Variants in TAPT1 observed in about 807,000 individuals in gnomAD.
TAPT1 encodes transmembrane anterior posterior transformation protein 1 homolog.
TAPT1 carries 28 observed loss-of-function variants against 65.6 expected under a neutral mutation model. The observed-to-expected ratio is 0.43, with a 90% CI of 0.32 to 0.59. The LOEUF is 0.59. Ranked by LOEUF, TAPT1 falls within the 20% of genes least tolerant of loss-of-function variation. The probability of loss-of-function intolerance (pLI) is 0.09; values close to 1 mark genes in which losing one functional copy is unlikely to be tolerated. For missense variants in TAPT1, 563 were observed against 679.9 expected, an observed-to-expected ratio of 0.83 and a Z score of 1.91; for synonymous variants, 278 against 245.2, an observed-to-expected ratio of 1.13 and a Z score of -1.25.
intron 1 of TAPT1, chr4:16,216,028 CTTTCAGAAAGCAGAGGAGA>C (rs1329344307): frequency 6.6e-6 from 1 of 152,184 alleles, no homozygotes; most frequent in African/African-American, 2.4e-5. Flanking sequence ...AGCAACAGGA[CTTTCAGAAAGCAGAGGAGA>C]TTCCACATAT....
intron 1 of TAPT1, among the ~76,000 whole-genome samples, chr4:16,219,034 TAA>T (rs1397583096): frequency 2.0e-5 from 3 of 152,192 alleles, no homozygotes; most frequent in African/African-American, 7.2e-5. Context: ...ATGGAGAATA[TAA>T]AAAGTCAAAT....
In TAPT1 at chr4:16,191,404, C is replaced by A; in HGVS notation, c.569G>T (p.Gly190Val). The A allele has an allele frequency of 6.2e-7, 1 of 1,600,586 alleles. No homozygotes were observed. Among genetic ancestry groups the A allele is most frequent in the South Asian group, 1.1e-5 (1 of 88,018 alleles). Residue 190 changes from glycine (G) to valine (V), a missense_variant, in exon 4 of 14, where the codon GGG (glycine) becomes GTG (valine). By Grantham distance (109) the Gly-to-Val change is moderately radical. Transcript: ENST00000405303. ...GATGTAGAGCTTGATGACGGACTGC[C>A]CCCTTATCAGGTGGTACATCATGGA... ...DYSMMYHLIR[G>V]QSVIKLYIIY...
intron 2 of TAPT1, among the ~76,000 whole-genome samples, chr4:16,212,066 G>A (rs938756776): frequency 6.6e-6 from 1 of 152,208 alleles, no homozygotes; most frequent in Non-Finnish European, 1.5e-5. Context: ...ACAAAATCAG[G>A]AGTGGATGTT....
At position 16,162,697 on chromosome 4, in the gene TAPT1, G is replaced by C. The variant is rs1747334538; in HGVS notation, c.*611C>G. Reference sequence around the variant, plus strand: ...AATTATTTTTTTAATAAATAAACTAGTTTAGCATTTTTTTTTAACCCTACA... The same window carrying C: ...AATTATTTTTTTAATAAATAAACTACTTTAGCATTTTTTTTTAACCCTACA... On this transcript the variant is annotated 3_prime_UTR_variant, in exon 14 of 14. Coordinates refer to ENST00000405303, the MANE Select transcript of TAPT1 (RefSeq NM_153365.3). 9.5e-6 allele frequency: 1 copy of C among 105,562 alleles called. No individual in the cohort carries two copies. The highest frequency in any genetic ancestry group is 2.0e-5 in the Non-Finnish European group (1 of 49,572). The allele number at this position is 105,562 out of a possible 1,614,324, so 6.5% of individuals were successfully genotyped here.
chr4:16,192,116 C>G (rs1180148235), intron 3 of TAPT1, among the ~76,000 whole-genome samples: 3 of 152,134 alleles, frequency 2.0e-5, no homozygotes, highest in Non-Finnish European at 2.9e-5. Context: ...GAAAGTGTAT[C>G]TGTAGGATAA....
At position 16,162,154 on chromosome 4, in the gene TAPT1, C is replaced by G. The variant is rs1747290046; in HGVS notation, c.*1154G>C. On this transcript the variant is annotated 3_prime_UTR_variant, in exon 14 of 14. Transcript: ENST00000405303. ...ATGCCTCCCCACACCAACAGCCACC[C>G]ATACGCCTCAAACACCCCATTTACT... 1 of 152,816 alleles carries G rather than the reference C, an allele frequency of 6.5e-6. No individual in the cohort carries two copies. The highest frequency in any genetic ancestry group is 1.5e-5 in the Non-Finnish European group (1 of 68,170). The allele number at this position is 152,816 out of a possible 1,614,324, so 9.5% of individuals were successfully genotyped here.
At chr4:16,191,563 C>A in intron 3 of TAPT1, 40 bp from the exon 4 acceptor site, 1 of 1,517,572 alleles carries the variant, frequency 6.6e-7, no homozygotes, top group Non-Finnish European at 8.9e-7. Flanking sequence ...AATTTTTACT[C>A]TGTATGTTCT....
intron 7 of TAPT1, among the ~76,000 whole-genome samples, chr4:16,185,972 A>T (rs1748988450): frequency 6.6e-6 from 1 of 152,056 alleles, no homozygotes; most frequent in African/African-American, 2.4e-5. Flanking sequence ...CTCTGAGCAT[A>T]CTCCCTGGCA....
chr4:16,167,182 A>C (rs1180288565), intron 12 of TAPT1, among the ~76,000 whole-genome samples: 2 of 151,840 alleles, frequency 1.3e-5, no homozygotes, highest in Non-Finnish European at 2.9e-5. Flanking sequence ...TAGTAGAGAC[A>C]GGGTTTCACC....
At chr4:16,171,400 A>G (rs1747979442) in intron 11 of TAPT1, among the ~76,000 whole-genome samples, 1 of 152,214 alleles carries the variant, frequency 6.6e-6, no homozygotes, top group Non-Finnish European at 1.5e-5. Context: ...AAGTCTGCTG[A>G]ATAAATCTGG....
chr4:16,166,991 C>CTCTTT (rs758182176), intron 12 of TAPT1, 198 bp from the exon 13 acceptor site: 13 of 160,674 alleles, frequency 8.1e-5, no homozygotes, highest in Non-Finnish European at 1.5e-4. Flanking sequence ...CCTTAGTTCT[C>CTCTTT]TTTTTTTTTT....
chr4:16,215,734 T>C (rs1426187086), intron 1 of TAPT1, among the ~76,000 whole-genome samples: 1 of 152,208 alleles, frequency 6.6e-6, no homozygotes, highest in African/African-American at 2.4e-5. Context: ...TTGTATAAAT[T>C]AACAGATGTT....
chr4:16,207,007 C>T lies in TAPT1; in HGVS notation c.331-4427G>A, dbSNP rs572984790. Among the ~76,000 whole-genome samples the T allele has an allele frequency of 2.6e-5, 4 of 152,178 alleles. No homozygotes were observed. In the South Asian group the frequency reaches 6.2e-4, roughly 24 times the overall value. On this transcript the variant is annotated intron_variant, in intron 2 of 13. Coordinates refer to ENST00000405303, the MANE Select transcript of TAPT1 (RefSeq NM_153365.3). ...ACCACAAGCAGGGTGTGACAAGCCT[C>T]GGAGAGAAGGGGAGAAGCACCAGCC... is the stretch of plus-strand genomic sequence containing the variant.
At position 16,163,102 on chromosome 4, in the gene TAPT1, C is replaced by A. The variant is rs932776870; in HGVS notation, c.*206G>T. ...TTTATAATCCATCAAGCTTCCCAGACAGTCAAGGCCGGAGGTCGCTCCTGT... is the reference window on the plus strand; with the variant it reads ...TTTATAATCCATCAAGCTTCCCAGAAAGTCAAGGCCGGAGGTCGCTCCTGT... On this transcript the variant is annotated 3_prime_UTR_variant, in exon 14 of 14. Transcript: ENST00000405303. 25 of 635,692 alleles carry A rather than the reference C, an allele frequency of 3.9e-5. No homozygotes were observed. In the Admixed American group the frequency reaches 5.2e-4, roughly 13 times the overall value. The allele number at this position is 635,692 out of a possible 1,614,324, so 39.4% of individuals were successfully genotyped here.
intron 3 of TAPT1, among the ~76,000 whole-genome samples, chr4:16,193,263 A>G (rs541969286): frequency 6.6e-6 from 1 of 152,326 alleles, no homozygotes; most frequent in South Asian, 2.1e-4. Context: ...AGAGGTCAGA[A>G]TGTGTCTAAG....
Position 16,176,158 on chromosome 4 carries a change from T to C in TAPT1, c.1068A>G (p.Lys356=). ...IASEIAVDIV[K]HAFITKFNDI... Reference sequence around the variant, plus strand: ...CATTGAATTTAGTAATAAAGGCATGTTTTACAATATCCACGGCAATTTCTG... The same window carrying C: ...CATTGAATTTAGTAATAAAGGCATGCTTTACAATATCCACGGCAATTTCTG... The change falls in exon 9 of 14, where the codon AAA becomes AAG. Residue 356 remains lysine, a synonymous_variant. Coordinates refer to ENST00000405303, the MANE Select transcript of TAPT1 (RefSeq NM_153365.3). The C allele has an allele frequency of 6.4e-7, 1 of 1,573,004 alleles. No homozygotes were observed. The highest frequency in any genetic ancestry group is 8.6e-7 in the Non-Finnish European group (1 of 1,157,388).
At chr4:16,226,635 C>G, upstream of TAPT1, 1 of 191,446 alleles carries the variant, frequency 5.2e-6, no homozygotes, top group Non-Finnish European at 9.5e-6. Context: ...AGGCCGCTGC[C>G]GCCGCCGCCG....
In TAPT1 at chr4:16,160,701, T is replaced by C. The variant is rs917118907; in HGVS notation, c.*2607A>G. On this transcript the variant is annotated 3_prime_UTR_variant, in exon 14 of 14. Coordinates refer to ENST00000405303, the MANE Select transcript of TAPT1 (RefSeq NM_153365.3). ...TGACACATAGGAAGTGATTAACAAATCTTTGTTGATAAAAAATAGTTGAAA... is the reference window on the plus strand; with the variant it reads ...TGACACATAGGAAGTGATTAACAAACCTTTGTTGATAAAAAATAGTTGAAA... 1.3e-5 allele frequency: 2 copies of C among 152,236 alleles called. No homozygotes were observed. Among genetic ancestry groups the C allele is most frequent in the African/African-American group, 4.8e-5 (2 of 41,452 alleles). The allele number at this position is 152,236 out of a possible 1,614,324, so 9.4% of individuals were successfully genotyped here. A position where few individuals can be genotyped will look rare whatever the true frequency, so the allele number is the denominator to read the frequency against.
intron 12 of TAPT1, 57 bp downstream of exon 12, chr4:16,170,596 A>G: frequency 7.6e-7 from 1 of 1,310,830 alleles, no homozygotes; most frequent in Non-Finnish European, 1.1e-6. Context: ...AACTTCCATT[A>G]CATCTTGCAT....
Sources: allele counts gnomAD v4.1 joint callset (sites outside exome capture counted in the v4.1 genomes callset), GRCh38; gene constraint gnomAD v4.1.1; transcripts MANE v1.5; gene names NCBI Gene and HGNC (gene_info 2026-07-23, HGNC 2026-07-21).